The following SORD variants were observed in gnomAD, a reference collection of about 807,000 sequenced individuals.
SORD encodes the protein (R,R)-butanediol dehydrogenase.
SORD carries 18 observed loss-of-function variants against 35.6 expected under a neutral mutation model. The ratio of observed to expected loss-of-function variants is 0.51; its 90% confidence interval spans 0.35 to 0.75. SORD has a LOEUF of 0.75. Ranked by LOEUF, SORD falls within the 30% of genes least tolerant of loss-of-function variation. The probability of loss-of-function intolerance (pLI) is 0.01; values close to 1 mark genes in which losing one functional copy is unlikely to be tolerated. For synonymous variants in SORD, 106 were observed against 152.9 expected (o/e 0.69, Z 2.26); for missense variants, 250 against 390.2 (o/e 0.64, Z 3.03).
Position 45,069,194 on chromosome 15 carries a change from CTT to C in SORD, c.786+171_786+172del, listed in dbSNP as rs752540495. On this transcript the variant is annotated intron_variant, in intron 7 of 8. Coordinates refer to ENST00000267814, the MANE Select transcript of SORD (RefSeq NM_003104.6). Reference sequence around the variant, plus strand: ...CTTTTGCCATCTATGTTTTCTTTTTCTTTTTTTTTTTTTTTTTTTTTTTTTTT... The same window carrying C: ...CTTTTGCCATCTATGTTTTCTTTTTCTTTTTTTTTTTTTTTTTTTTTTTTT... 921 of 116,728 alleles carry C rather than the reference CTT, an allele frequency of 7.9e-3. 18 individuals are homozygous for C. Among genetic ancestry groups the C allele is most frequent in the African/African-American group, 0.018 (578 of 31,680 alleles). The allele number at this position is 116,728 out of a possible 1,614,324, so 7.2% of individuals were successfully genotyped here.
At chr15:45,048,055 G>A (rs183653246) in intron 3 of SORD, among the ~76,000 whole-genome samples, 34 of 152,252 alleles carry the variant, frequency 2.2e-4, no homozygotes, top group African/African-American at 7.2e-4. Context: ...CCCTACACAG[G>A]GCTGGGTATC....
At chr15:45,029,998 T>G (rs1187813666) in intron 1 of SORD, among the ~76,000 whole-genome samples, 1 of 152,242 alleles carries the variant, frequency 6.6e-6, no homozygotes, top group Non-Finnish European at 1.5e-5. Flanking sequence ...GGCAAAACAG[T>G]GTAGAAAACT....
chr15:45,049,147 A>C (rs1358591735), intron 3 of SORD, among the ~76,000 whole-genome samples: 1 of 152,214 alleles, frequency 6.6e-6, no homozygotes, highest in Admixed American at 6.5e-5. Flanking sequence ...CTGTGCCTGC[A>C]GCTTGATTTT....
chr15:45,061,809 C>T (rs540977153), intron 4 of SORD, among the ~76,000 whole-genome samples: 14 of 152,100 alleles, frequency 9.2e-5, no homozygotes, highest in South Asian at 2.1e-4. Flanking sequence ...GTGGAGGTTG[C>T]AGTGAGCCGA....
chr15:45,046,878 C>T (rs570684785), intron 3 of SORD, among the ~76,000 whole-genome samples: 7 of 152,166 alleles, frequency 4.6e-5, no homozygotes, highest in South Asian at 2.1e-4. Flanking sequence ...ATTAGCCAGA[C>T]GTGGTGGCAT....
intron 1 of SORD, among the ~76,000 whole-genome samples, chr15:45,034,908 T>G (rs1004255675): frequency 7.9e-5 from 12 of 152,138 alleles, no homozygotes; most frequent in Admixed American, 2.0e-4. Context: ...GGCGTGGGCT[T>G]GGCGGGCCCC....
At chr15:45,046,164 TA>T (rs1893043046) in intron 3 of SORD, among the ~76,000 whole-genome samples, 1 of 151,912 alleles carries the variant, frequency 6.6e-6, no homozygotes, top group Admixed American at 6.6e-5. Context: ...CTTAATGACA[TA>T]GGCATAATTT....
At chr15:45,037,429 G>A (rs1425242322) in intron 1 of SORD, among the ~76,000 whole-genome samples, 1 of 152,290 alleles carries the variant, frequency 6.6e-6, no homozygotes, top group East Asian at 1.9e-4. Flanking sequence ...GAAATGGGGC[G>A]TTCAGGTCTG....
At chr15:45,058,343 T>G (rs754190661) in intron 3 of SORD, among the ~76,000 whole-genome samples, 4 of 152,118 alleles carry the variant, frequency 2.6e-5, no homozygotes, top group Non-Finnish European at 4.4e-5. Context: ...CAGCTGACAT[T>G]CCCAGCACCC....
chr15:45,044,937 A>G (rs1163270305), intron 3 of SORD, among the ~76,000 whole-genome samples: 1 of 152,164 alleles, frequency 6.6e-6, no homozygotes, highest in East Asian at 1.9e-4. Flanking sequence ...ACCTCAAGTG[A>G]TCTGCCCACC....
intron 3 of SORD, among the ~76,000 whole-genome samples, chr15:45,060,379 G>C (rs192280835): frequency 6.6e-6 from 1 of 152,214 alleles, no homozygotes; most frequent in East Asian, 1.9e-4. Context: ...CAATTAGAGA[G>C]CAGTTCTCAG....
chr15:45,062,004 G>T (rs1893321412), intron 4 of SORD, among the ~76,000 whole-genome samples: 1 of 152,030 alleles, frequency 6.6e-6, no homozygotes, highest in Non-Finnish European at 1.5e-5. Context: ...CCTGGCAAGT[G>T]ATTTTGGAGA....
chr15:45,027,101 C>G (rs1892685146), intron 1 of SORD, among the ~76,000 whole-genome samples: 2 of 152,218 alleles, frequency 1.3e-5, no homozygotes, highest in Admixed American at 1.3e-4. Flanking sequence ...CAGTGGTTTT[C>G]TTTTATAGTT....
intron 3 of SORD, among the ~76,000 whole-genome samples, chr15:45,048,848 A>C (rs1893085130): frequency 6.6e-6 from 1 of 152,094 alleles, no homozygotes; most frequent in African/African-American, 2.4e-5. Context: ...TTTTATAAGA[A>C]ACTTCCCTTA....
chr15:45,025,757 C>T (rs1892658614), intron 1 of SORD, among the ~76,000 whole-genome samples: 1 of 152,072 alleles, frequency 6.6e-6, no homozygotes, highest in South Asian at 2.1e-4. Context: ...GTCCTTTGCT[C>T]CTCTACTGAG....
chr15:45,068,968 G>A lies in SORD; in HGVS notation c.702G>A (p.Arg234=), dbSNP rs767842510. Residue 234 remains arginine (R), a synonymous_variant, in exon 7 of 9, where the codon AGG becomes AGA. Transcript: ENST00000267814. The part of the protein sequence containing the change: ...ISKESPQEIA[R]KVEGQLGCKP... ...AGGAGAGCCCTCAGGAAATCGCCAGGAAAGTAGAAGGTCAGCTGGGGTGCA... is the reference window on the plus strand; with the variant it reads ...AGGAGAGCCCTCAGGAAATCGCCAGAAAAGTAGAAGGTCAGCTGGGGTGCA... The A allele has an allele frequency of 2.5e-6, 4 of 1,606,538 alleles. No homozygotes were observed. In the Admixed American group the frequency reaches 5.1e-5, roughly 20 times the overall value.
chr15:45,061,702 C>A (rs1340923893), intron 4 of SORD, among the ~76,000 whole-genome samples: 1 of 151,792 alleles, frequency 6.6e-6, no homozygotes, highest in Non-Finnish European at 1.5e-5. Context: ...CCCATCTCTA[C>A]TAAAAAAATA....
At position 45,075,081 on chromosome 15, in the gene SORD, C is replaced by T. The variant is rs1490862110; in HGVS notation, c.*1551C>T. 1.3e-5 allele frequency: 1 copy of T among 75,916 alleles called. No homozygotes were observed. Among genetic ancestry groups the T allele is most frequent in the Admixed American group, 1.4e-4 (1 of 7,304 alleles). The allele number at this position is 75,916 out of a possible 1,614,324, so 4.7% of individuals were successfully genotyped here. A position where few individuals can be genotyped will look rare whatever the true frequency, so the allele number is the denominator to read the frequency against. Reference sequence around the variant, plus strand: ...TCTTACAACACAACCCTTCAGTTAACGAGAGAGGAAATTGAGGCTCAGATT... The same window carrying T: ...TCTTACAACACAACCCTTCAGTTAATGAGAGAGGAAATTGAGGCTCAGATT... On this transcript the variant is annotated 3_prime_UTR_variant, in exon 9 of 9. Transcript: ENST00000267814.
chr15:45,071,199 G>T (rs374425603), intron 7 of SORD, among the ~76,000 whole-genome samples: 6,840 of 150,452 alleles, frequency 0.045, 313 homozygotes, highest in African/African-American at 0.15. Context: ...TCCTTGACCT[G>T]GGGTCAGCAA....
Sources: allele counts gnomAD v4.1 joint callset (sites outside exome capture counted in the v4.1 genomes callset), GRCh38; gene constraint gnomAD v4.1.1; transcripts MANE v1.5; gene names NCBI Gene and HGNC (gene_info 2026-07-23, HGNC 2026-07-21).